The following KCNG3 variants were observed in gnomAD, a reference collection of about 807,000 sequenced individuals.
The protein encoded by KCNG3 is voltage-gated potassium channel regulatory subunit KCNG3.
KCNG3 carries 15 observed loss-of-function variants against 29.0 expected under a neutral mutation model. The observed-to-expected ratio is 0.52, with a 90% CI of 0.35 to 0.80. The LOEUF (loss-of-function observed/expected upper bound fraction) is 0.80. Ranked by LOEUF, KCNG3 falls within the 30% of genes least tolerant of loss-of-function variation. The pLI, the probability that KCNG3 is intolerant of heterozygous loss-of-function variation, is 0.01. For missense variants in KCNG3, 512 were observed against 605.7 expected, an observed-to-expected ratio of 0.85 and a Z score of 1.62; for synonymous variants, 322 against 248.9, an observed-to-expected ratio of 1.29 and a Z score of -2.76.
Position 42,444,809 on chromosome 2 carries a change from C to T in KCNG3, c.666-230G>A, listed in dbSNP as rs1672559121. On this transcript the variant is annotated intron_variant, in intron 1 of 1. Coordinates refer to ENST00000306078, the MANE Select transcript of KCNG3 (RefSeq NM_133329.6). The surrounding 1 kb of genome is among the most constrained non-coding windows in gnomAD (Gnocchi z 5.8). Reference sequence around the variant, plus strand: ...AGGTGCAGTGGCTCATGCATGTAATCCCAGGTCTTTGGAAGGCTGAGGTGG... The same window carrying T: ...AGGTGCAGTGGCTCATGCATGTAATTCCAGGTCTTTGGAAGGCTGAGGTGG... Among the ~76,000 whole-genome samples, 1 of 151,964 alleles carries T rather than the reference C, an allele frequency of 6.6e-6. No homozygotes were observed. The highest frequency in any genetic ancestry group is 1.5e-5 in the Non-Finnish European group (1 of 68,008).
chr2:42,440,178 A>C, downstream of KCNG3, among the ~76,000 whole-genome samples: 1 of 152,180 alleles, frequency 6.6e-6, no homozygotes, highest in East Asian at 1.9e-4. Flanking sequence ...AGGTTTCCAC[A>C]ACCCCTAGTT....
At chr2:42,478,702 C>G (rs114777917) in intron 1 of KCNG3, among the ~76,000 whole-genome samples, 1 of 152,154 alleles carries the variant, frequency 6.6e-6, no homozygotes, top group African/African-American at 2.4e-5. Context: ...CCTTCCACAG[C>G]GGCACCATCT....
At chr2:42,460,621 G>A (rs1377333577) in intron 1 of KCNG3, among the ~76,000 whole-genome samples, 1 of 152,070 alleles carries the variant, frequency 6.6e-6, no homozygotes, top group Non-Finnish European at 1.5e-5. Context: ...ATTTAATTTG[G>A]CAAAAACAAA....
In KCNG3 at chr2:42,451,851, G is replaced by A. The variant is rs1458200672; in HGVS notation, c.666-7272C>T. ...GGAGTTCAAGGCTGCAGGGAGCCAT[G>A]ATCTTGCCACTACACTCCAGCCTGG... On this transcript the variant is annotated intron_variant, in intron 1 of 1. Transcript: ENST00000306078. 3.3e-5 allele frequency among the ~76,000 whole-genome samples: 5 copies of A among 151,908 alleles called. No homozygotes were observed. In the East Asian group the frequency reaches 9.7e-4, roughly 30 times the overall value.
the KCNG3 span, among the ~76,000 whole-genome samples, chr2:42,427,990 G>A: frequency 6.6e-6 from 1 of 152,088 alleles, no homozygotes; most frequent in East Asian, 1.9e-4. Flanking sequence ...GGAAAATAAT[G>A]TACTCCAGAT....
At chr2:42,407,200 C>T in the KCNG3 span, among the ~76,000 whole-genome samples, 5 of 134,070 alleles carry the variant, frequency 3.7e-5, no homozygotes, top group African/African-American at 1.4e-4. Context: ...TTTTTTGAGA[C>T]GGAGTCTTGC....
the KCNG3 span, among the ~76,000 whole-genome samples, chr2:42,396,620 G>C: frequency 6.6e-6 from 1 of 152,188 alleles, no homozygotes; most frequent in Non-Finnish European, 1.5e-5. Context: ...GGGAGAACCA[G>C]TTCAAGACCC....
intron 1 of KCNG3, among the ~76,000 whole-genome samples, chr2:42,454,529 T>A (rs955089940): frequency 1.3e-5 from 2 of 152,110 alleles, no homozygotes; most frequent in Admixed American, 1.3e-4. Context: ...CTGGCCAACA[T>A]GGCAAAACCT....
intron 1 of KCNG3, among the ~76,000 whole-genome samples, chr2:42,466,756 T>A (rs1012781931): frequency 6.6e-6 from 1 of 150,440 alleles, no homozygotes; most frequent in African/African-American, 2.4e-5. Context: ...ACTCTTCCTT[T>A]TTTTTTTTTT....
Position 42,492,943 on chromosome 2 carries a change from C to T in KCNG3, c.559G>A (p.Val187Met). The change falls in exon 1 of 2, where the codon GTG (valine) becomes ATG (methionine). Residue 187 changes from valine (V) to methionine (M), a missense_variant. This residue lies in a region of KCNG3 where 228 missense variants were observed against 200.0 expected (regional missense o/e 1.14). Coordinates refer to ENST00000306078, the MANE Select transcript of KCNG3 (RefSeq NM_133329.6). The stretch of plus-strand genomic sequence containing the variant: ...TCGGGCAACGTGCTGGCGCACAGCA[C>T]CACCATGGACACGATCACGAACACC... ...SVVFVIVSMV[V>M]LCASTLPDWR... The T allele has an allele frequency of 2.5e-6, 4 of 1,589,666 alleles. No homozygotes were observed. Among genetic ancestry groups the T allele is most frequent in the Non-Finnish European group, 3.4e-6 (4 of 1,171,558 alleles).
At chr2:42,405,610 T>A in the KCNG3 span, among the ~76,000 whole-genome samples, 1 of 151,372 alleles carries the variant, frequency 6.6e-6, no homozygotes, top group Admixed American at 6.6e-5. Flanking sequence ...GACTAATTTT[T>A]TTTTTTTCTC....
At chr2:42,406,192 G>A in the KCNG3 span, among the ~76,000 whole-genome samples, 3 of 151,728 alleles carry the variant, frequency 2.0e-5, no homozygotes, top group African/African-American at 7.3e-5. Flanking sequence ...CCAGATATTT[G>A]GTACCTTTCC....
intron 1 of KCNG3, among the ~76,000 whole-genome samples, chr2:42,485,347 G>A (rs1673694970): frequency 6.6e-6 from 1 of 151,972 alleles, no homozygotes; most frequent in Non-Finnish European, 1.5e-5. Context: ...TGACTAAGGG[G>A]ACAAAGTCTA....
chr2:42,448,694 T>A (rs1672665636), intron 1 of KCNG3, among the ~76,000 whole-genome samples: 1 of 152,108 alleles, frequency 6.6e-6, no homozygotes. Flanking sequence ...TCGCAGGAAG[T>A]AAAACACGCT....
At chr2:42,445,804 G>A (rs1672583737) in intron 1 of KCNG3, among the ~76,000 whole-genome samples, 1 of 151,874 alleles carries the variant, frequency 6.6e-6, no homozygotes, top group Admixed American at 6.6e-5. Context: ...TCAGCTCACT[G>A]CAACCTCTGC....
chr2:42,410,352 C>T, the KCNG3 span, among the ~76,000 whole-genome samples: 2 of 152,098 alleles, frequency 1.3e-5, no homozygotes, highest in Non-Finnish European at 2.9e-5. Context: ...AAGGGATACA[C>T]GCATTTGCAA....
In KCNG3 at chr2:42,493,107, G is replaced by C; in HGVS notation, c.395C>G (p.Pro132Arg). 8.2e-6 allele frequency: 13 copies of C among 1,589,824 alleles called. No individual in the cohort carries two copies. Among genetic ancestry groups the C allele is most frequent in the South Asian group, 1.1e-5 (1 of 88,908 alleles). ...CGCCTCGTCGCGGCCCAGCACGCCC[G>C]GCTCGTCGGCCGAGTAGAAGGTGTA... is the stretch of plus-strand genomic sequence containing the variant. ...DTYTFYSADE[P>R]GVLGRDEARP... is the part of the protein sequence containing the mutation. Residue 132 changes from proline to arginine, a missense_variant, in exon 1 of 2, where the codon CCG (proline) becomes CGG (arginine). Physicochemically the swap from Pro to Arg is moderately radical, Grantham distance 103 (BLOSUM62 -2). Around this residue, in one of 5 missense-constraint regions of KCNG3, gnomAD observed 228 missense variants for 200.0 expected, o/e 1.14. Coordinates refer to ENST00000306078, the MANE Select transcript of KCNG3 (RefSeq NM_133329.6).
At chr2:42,451,852 A>G (rs916327494) in intron 1 of KCNG3, among the ~76,000 whole-genome samples, 1 of 151,900 alleles carries the variant, frequency 6.6e-6, no homozygotes, top group African/African-American at 2.4e-5. Flanking sequence ...GGGAGCCATG[A>G]TCTTGCCACT....
chr2:42,491,219 T>C (rs1673866923), intron 1 of KCNG3, among the ~76,000 whole-genome samples: 1 of 152,150 alleles, frequency 6.6e-6, no homozygotes, highest in Admixed American at 6.6e-5. Context: ...CTCCCTAAAA[T>C]TACTATGCAT....
Sources: allele counts gnomAD v4.1 joint callset (sites outside exome capture counted in the v4.1 genomes callset), GRCh38; gene constraint gnomAD v4.1.1; regional missense constraint gnomAD v4.1.1; non-coding constraint Gnocchi (gnomAD v3.1); transcripts MANE v1.5; gene names NCBI Gene and HGNC (gene_info 2026-07-23, HGNC 2026-07-21).